Variants in NDST3 observed in about 807,000 individuals in gnomAD.
The protein encoded by NDST3 is bifunctional heparan sulfate N-deacetylase/N-sulfotransferase 3.
In NDST3, 58 loss-of-function variants were observed where a neutral mutation model predicts 96.1. That is an observed-to-expected ratio of 0.60 (90% CI 0.49 to 0.75). The LOEUF is 0.75. Ranked by LOEUF, NDST3 falls within the 30% of genes least tolerant of loss-of-function variation. NDST3 has a pLI of 0.00. For synonymous variants in NDST3, 333 were observed against 359.7 expected (o/e 0.93, Z 0.84); for missense variants, 788 against 1,034.2 (o/e 0.76, Z 3.27).
intron 2 of NDST3, among the ~76,000 whole-genome samples, chr4:118,071,268 C>G (rs979473723): frequency 1.6e-4 from 25 of 152,002 alleles, no homozygotes; most frequent in African/African-American, 5.6e-4. Flanking sequence ...TTTCTTATAA[C>G]TTTTATTTCA....
At position 118,118,865 on chromosome 4, in the gene NDST3, A is replaced by T. The variant is rs192621637; in HGVS notation, c.1224+3905A>T. Among the ~76,000 whole-genome samples, 7 of 152,342 alleles carry T rather than the reference A, an allele frequency of 4.6e-5. No homozygotes were observed. In the East Asian group the frequency reaches 1.3e-3, roughly 29 times the overall value. ...AAAATAGAATAACATATCATTAGAAAGGTAAAATAGTATTCTATTTAAACC... is the reference window on the plus strand; with the variant it reads ...AAAATAGAATAACATATCATTAGAATGGTAAAATAGTATTCTATTTAAACC... On this transcript the variant is annotated intron_variant, in intron 4 of 13. Transcript: ENST00000296499.
At chr4:118,166,795 AT>A (rs1735580036) in intron 6 of NDST3, among the ~76,000 whole-genome samples, 2 of 152,064 alleles carry the variant, frequency 1.3e-5, no homozygotes, top group South Asian at 4.1e-4. Context: ...AAGGATAAAA[AT>A]GTTATGATCA....
chr4:118,154,773 A>G (rs1734617814), intron 6 of NDST3, among the ~76,000 whole-genome samples: 1 of 152,166 alleles, frequency 6.6e-6, no homozygotes. Flanking sequence ...CCTGACTCTC[A>G]GTTCACCACT....
At chr4:118,193,966 T>C in intron 6 of NDST3, 5 of 973,130 alleles carry the variant, frequency 5.1e-6, no homozygotes, top group Non-Finnish European at 8.3e-6. Context: ...ACTCTTTCAC[T>C]GTGGTGCTCT....
At chr4:118,254,692 T>C (rs1271620598) in intron 13 of NDST3, among the ~76,000 whole-genome samples, 3 of 152,174 alleles carry the variant, frequency 2.0e-5, no homozygotes, top group South Asian at 2.1e-4. Context: ...AATTAAAATA[T>C]GATTTGGGAT....
intron 6 of NDST3, among the ~76,000 whole-genome samples, chr4:118,203,309 A>G (rs1017690163): frequency 5.9e-5 from 9 of 152,190 alleles, no homozygotes; most frequent in African/African-American, 1.4e-4. Context: ...TTTGGGTACC[A>G]GGCTGATGCT....
chr4:118,089,630 G>A (rs1560634733), intron 2 of NDST3, among the ~76,000 whole-genome samples: 2 of 151,912 alleles, frequency 1.3e-5, no homozygotes, highest in Admixed American at 6.6e-5. Flanking sequence ...TTATTTCAAA[G>A]ACTAAAACAT....
At chr4:118,137,267 C>T (rs1315613326) in intron 4 of NDST3, among the ~76,000 whole-genome samples, 1 of 151,642 alleles carries the variant, frequency 6.6e-6, no homozygotes, top group African/African-American at 2.4e-5. Flanking sequence ...GAAAAAAATA[C>T]CTGTCAACTA....
At chr4:118,233,382 G>A (rs1740436871) in intron 9 of NDST3, among the ~76,000 whole-genome samples, 1 of 151,918 alleles carries the variant, frequency 6.6e-6, no homozygotes, top group African/African-American at 2.4e-5. Flanking sequence ...TTTCTTTGAT[G>A]GTAATTATAG....
At chr4:118,232,476 A>T (rs76514088) in intron 8 of NDST3, among the ~76,000 whole-genome samples, 26,098 of 151,600 alleles carry the variant, frequency 0.17, 2,384 homozygotes, top group South Asian at 0.23. Context: ...CTAAAAATTT[A>T]AAAAAAATTA....
intron 3 of NDST3, among the ~76,000 whole-genome samples, chr4:118,106,458 ACCT>A (rs1730188793): frequency 6.6e-6 from 1 of 151,910 alleles, no homozygotes; most frequent in African/African-American, 2.4e-5. Flanking sequence ...AAATCCTCCC[ACCT>A]CAGCCTTTTG....
intron 4 of NDST3, among the ~76,000 whole-genome samples, chr4:118,128,524 C>T (rs1732318654): frequency 6.6e-6 from 1 of 152,028 alleles, no homozygotes; most frequent in Non-Finnish European, 1.5e-5. Flanking sequence ...CCTCACATCC[C>T]AAGGACAAGT....
chr4:118,083,463 A>C (rs2125820758), intron 2 of NDST3, among the ~76,000 whole-genome samples: 1 of 152,212 alleles, frequency 6.6e-6, no homozygotes, highest in Admixed American at 6.5e-5. Context: ...TTAAGTGTTC[A>C]TTTCTCCATA....
intron 2 of NDST3, among the ~76,000 whole-genome samples, chr4:118,097,774 G>A (rs9637623): frequency 0.75 from 114,049 of 151,474 alleles, 45,548 homozygotes; most frequent in South Asian, 0.92. Flanking sequence ...TGAAAATAAA[G>A]TAGTAAATAA....
intron 8 of NDST3, 144 bp from the exon 9 acceptor site, chr4:118,232,868 C>G: frequency 1.2e-6 from 1 of 855,534 alleles, no homozygotes; most frequent in Non-Finnish European, 1.8e-6. Context: ...ATTAAACTGC[C>G]GATTATCTAT....
intron 6 of NDST3, among the ~76,000 whole-genome samples, chr4:118,161,450 GTT>G (rs1172422860): frequency 1.3e-5 from 2 of 152,168 alleles, no homozygotes; most frequent in Non-Finnish European, 2.9e-5. Flanking sequence ...CTGTCTTTTT[GTT>G]TGTCTGTGCC....
intron 8 of NDST3, among the ~76,000 whole-genome samples, 191 bp from the exon 9 acceptor site, chr4:118,232,821 C>G (rs1454670789): frequency 1.3e-5 from 2 of 152,194 alleles, no homozygotes; most frequent in African/African-American, 4.8e-5. Context: ...GGCCTCTTTT[C>G]ACACCACACT....
At chr4:118,123,523 C>G (rs1731781757) in intron 4 of NDST3, among the ~76,000 whole-genome samples, 1 of 152,116 alleles carries the variant, frequency 6.6e-6, no homozygotes, top group African/African-American at 2.4e-5. Context: ...TATTTTGCTA[C>G]AGCATAAAAA....
At chr4:118,138,033 T>A (rs1421789269) in intron 4 of NDST3, 21 bp from the exon 5 acceptor site, 1 of 1,563,884 alleles carries the variant, frequency 6.4e-7, no homozygotes, top group East Asian at 2.3e-5. Context: ...CACGCTCCAA[T>A]TAACATTTGC....
Sources: gnomAD v4.1 joint callset for allele counts (sites outside exome capture counted in the v4.1 genomes callset) on GRCh38, gnomAD v4.1.1 for gene constraint, MANE v1.5 for transcripts, NCBI Gene and HGNC (gene_info 2026-07-23, HGNC 2026-07-21) for gene names.